Variants in BDH1 observed in about 807,000 individuals in gnomAD.
BDH1 encodes the protein D-beta-hydroxybutyrate dehydrogenase, mitochondrial.
A neutral mutation model predicts 33.1 loss-of-function variants in BDH1; 30 were observed. That is an observed-to-expected ratio of 0.91 (90% CI 0.68 to 1.23). BDH1 has a LOEUF of 1.23. Ranked by LOEUF, BDH1 falls within the 50% of genes most tolerant of loss-of-function variation. The pLI, the probability that BDH1 is intolerant of heterozygous loss-of-function variation, is 0.00. For missense variants in BDH1, 443 were observed against 464.4 expected, an observed-to-expected ratio of 0.95 and a Z score of 0.42; for synonymous variants, 190 against 183.6, an observed-to-expected ratio of 1.03 and a Z score of -0.28.
Position 197,512,247 on chromosome 3 carries a change from T to C in BDH1, c.680A>G (p.Tyr227Cys). 6.2e-7 allele frequency: 1 copy of C among 1,613,190 alleles called. No individual in the cohort carries two copies. The highest frequency in any genetic ancestry group is 8.5e-7 in the Non-Finnish European group (1 of 1,179,964). ...AFSDCLRYEM[Y>C]PLGVKVSVVE... ...CACGCTGACCTTCACGCCCAGGGGGTACATCTCATAGCGCAGGCAGTCCGA... is the reference window on the plus strand; with the variant it reads ...CACGCTGACCTTCACGCCCAGGGGGCACATCTCATAGCGCAGGCAGTCCGA... Residue 227 changes from tyrosine (Y) to cysteine (C), a missense_variant, in exon 8 of 8, where the codon TAC becomes TGC. Tyr to Cys is a radical substitution (Grantham distance 194). Coordinates refer to ENST00000392379, the MANE Select transcript of BDH1 (RefSeq NM_203314.3).
chr3:197,541,043 T>A (rs1000123170), intron 3 of BDH1, among the ~76,000 whole-genome samples: 1 of 152,172 alleles, frequency 6.6e-6, no homozygotes, highest in African/African-American at 2.4e-5. Flanking sequence ...GATTGCCTCA[T>A]CCTACTCTAA....
At chr3:197,536,219 TGGTTGGGCATATTTG>T (rs1715141909) in intron 3 of BDH1, among the ~76,000 whole-genome samples, 2 of 152,196 alleles carry the variant, frequency 1.3e-5, no homozygotes, top group Non-Finnish European at 2.9e-5. Context: ...TGTCAAAAAT[TGGTTGGGCATATTTG>T]GGTGGGCCTA....
At chr3:197,540,977 C>G (rs7651427) in intron 3 of BDH1, among the ~76,000 whole-genome samples, 113,610 of 152,076 alleles carry the variant, frequency 0.75, 43,016 homozygotes, top group East Asian at 1. Flanking sequence ...GCTAGCATGA[C>G]AGTGCCTCCT....
chr3:197,562,276 G>T (rs1392164616), intron 1 of BDH1, among the ~76,000 whole-genome samples: 1 of 152,186 alleles, frequency 6.6e-6, no homozygotes, highest in Non-Finnish European at 1.5e-5. Flanking sequence ...TTCTAGTTCG[G>T]AGATGCATTC....
In BDH1 at chr3:197,523,574, G is replaced by A. The variant is rs895742197; in HGVS notation, c.268-793C>T. Among the ~76,000 whole-genome samples, 3 of 152,212 alleles carry A rather than the reference G, an allele frequency of 2.0e-5. No individual in the cohort carries two copies. Among genetic ancestry groups the A allele is most frequent in the Admixed American group, 6.5e-5 (1 of 15,280 alleles). Reference sequence around the variant, plus strand: ...GCTAAACAGGAGAAAGGCGTCACTCGCTCGGCAAACATTTCTTGGGCCCCT... The same window carrying A: ...GCTAAACAGGAGAAAGGCGTCACTCACTCGGCAAACATTTCTTGGGCCCCT... On this transcript the variant is annotated intron_variant, in intron 5 of 7. Coordinates refer to ENST00000392379, the MANE Select transcript of BDH1 (RefSeq NM_203314.3). This position sits in a 1 kb window ranked among gnomAD's most constrained non-coding sequence, Gnocchi z 4.5.
chr3:197,533,426 G>A, intron 4 of BDH1, 63 bp downstream of exon 4: 3 of 1,530,172 alleles, frequency 2.0e-6, no homozygotes, highest in Non-Finnish European at 1.8e-6. Context: ...TCAGGGCCTA[G>A]GGGCCCAGAA....
upstream of BDH1, among the ~76,000 whole-genome samples, chr3:197,559,573 A>G (rs1042261828): frequency 6.6e-6 from 1 of 152,190 alleles, no homozygotes; most frequent in African/African-American, 2.4e-5. Context: ...AGGCTCTGCT[A>G]TTTGGGGGAA....
chr3:197,512,398 T>G lies in BDH1; in HGVS notation c.563-34A>C, dbSNP rs763336760. On this transcript the variant is annotated intron_variant, in intron 7 of 7. Transcript: ENST00000392379. ...GGAGACAGAGGTACCTGCTAAGCCG[T>G]TACTGCCCTATGACACAGCGGGCAG... 21 of 1,568,882 alleles carry G rather than the reference T, an allele frequency of 1.3e-5. No homozygotes were observed. The South Asian group carries it at 2.4e-4, about 18-fold the overall frequency.
intron 2 of BDH1, 23 bp from the exon 3 acceptor site, chr3:197,546,509 G>A (rs1716091817): frequency 6.7e-7 from 1 of 1,502,352 alleles, no homozygotes. Context: ...TGCACCCTCA[G>A]CATTACTTTG....
chr3:197,565,384 T>C (rs561965500), intron 1 of BDH1, among the ~76,000 whole-genome samples: 1 of 152,356 alleles, frequency 6.6e-6, no homozygotes, highest in East Asian at 1.9e-4. Context: ...AAACCTTTGA[T>C]ATTTGATAAC....
chr3:197,533,232 C>CG (rs1285969715), intron 4 of BDH1, among the ~76,000 whole-genome samples: 3 of 151,968 alleles, frequency 2.0e-5, no homozygotes, highest in Non-Finnish European at 2.9e-5. Flanking sequence ...GAGTTCTCGC[C>CG]CCCCACCTAG....
In BDH1 at chr3:197,525,842, T is replaced by G. The variant is rs1047266735; in HGVS notation, c.268-3061A>C. ...ACACCACCTCCCTGGACCCAGGGTT[T>G]CTGTGCTCCCTCTGCAGGTCTCCGT... is the stretch of plus-strand genomic sequence containing the variant. On this transcript the variant is annotated intron_variant, in intron 5 of 7. Transcript: ENST00000392379. The surrounding 1 kb of genome is among the most constrained non-coding windows in gnomAD (Gnocchi z 4.9). Among the ~76,000 whole-genome samples, 4 of 152,202 alleles carry G rather than the reference T, an allele frequency of 2.6e-5. No individual in the cohort carries two copies. Among genetic ancestry groups the G allele is most frequent in the Non-Finnish European group, 5.9e-5 (4 of 68,032 alleles).
chr3:197,551,935 C>A (rs911314630), intron 2 of BDH1, among the ~76,000 whole-genome samples: 3 of 152,142 alleles, frequency 2.0e-5, no homozygotes, highest in African/African-American at 7.2e-5. Flanking sequence ...CACTAAACAA[C>A]GGAGTCTCAG....
At position 197,511,591 on chromosome 3, in the gene BDH1, T is replaced by C. The variant is rs1712022428; in HGVS notation, c.*304A>G. 2 of 382,462 alleles carry C rather than the reference T, an allele frequency of 5.2e-6. No individual in the cohort carries two copies. The highest frequency in any genetic ancestry group is 2.2e-4 in the South Asian group (2 of 9,218). The allele number at this position is 382,462 out of a possible 1,614,324, so 23.7% of individuals were successfully genotyped here. A position where few individuals can be genotyped will look rare whatever the true frequency, so the allele number is the denominator to read the frequency against. ...AGACTGGCTTAAGGATCAAATGAGA[T>C]CTGTTTTTAATATAAAGATGTTTTC... On this transcript the variant is annotated 3_prime_UTR_variant, in exon 8 of 8. Coordinates refer to ENST00000392379, the MANE Select transcript of BDH1 (RefSeq NM_203314.3).
upstream of BDH1, among the ~76,000 whole-genome samples, chr3:197,560,025 G>C (rs1251154690): frequency 6.6e-6 from 1 of 152,202 alleles, no homozygotes; most frequent in Non-Finnish European, 1.5e-5. Flanking sequence ...AGGGTATTCA[G>C]CACTCAGCAC....
At chr3:197,564,164 G>C (rs962977062) in intron 1 of BDH1, among the ~76,000 whole-genome samples, 5 of 147,300 alleles carry the variant, frequency 3.4e-5, no homozygotes, top group Admixed American at 1.3e-4. Context: ...AAAGCTTAAA[G>C]ATAAATAATT....
At chr3:197,540,776 T>C (rs1216957464) in intron 3 of BDH1, among the ~76,000 whole-genome samples, 1 of 152,200 alleles carries the variant, frequency 6.6e-6, no homozygotes, top group African/African-American at 2.4e-5. Flanking sequence ...GTCAAATATA[T>C]TCAGACCTAA....
intron 7 of BDH1, 106 bp from the exon 8 acceptor site, chr3:197,512,470 AC>A: frequency 8.1e-7 from 1 of 1,227,904 alleles, no homozygotes; most frequent in Non-Finnish European, 1.1e-6. Flanking sequence ...CTTCTGAGCC[AC>A]CCAGGAGCCT....
At chr3:197,544,783 G>T (rs1335522244) in intron 3 of BDH1, among the ~76,000 whole-genome samples, 1 of 152,226 alleles carries the variant, frequency 6.6e-6, no homozygotes, top group Non-Finnish European at 1.5e-5. Context: ...GCCGGGCCGG[G>T]CGTGGTGAAT....
Sources: allele counts gnomAD v4.1 joint callset (sites outside exome capture counted in the v4.1 genomes callset), GRCh38; gene constraint gnomAD v4.1.1; non-coding constraint Gnocchi (gnomAD v3.1); transcripts MANE v1.5; gene names NCBI Gene and HGNC (gene_info 2026-07-23, HGNC 2026-07-21).